Variants in PRUNE2 observed in about 807,000 individuals in gnomAD.
PRUNE2 encodes protein prune homolog 2.
In PRUNE2, 164 loss-of-function variants were observed where a neutral mutation model predicts 252.0. That is an observed-to-expected ratio of 0.65 (90% CI 0.57 to 0.74). The LOEUF is 0.74. PRUNE2 is among the 30% of genes least tolerant of loss of function. PRUNE2 has a pLI of 0.00. For missense variants in PRUNE2, 3,495 were observed against 3,711.0 expected, an observed-to-expected ratio of 0.94 and a Z score of 1.51; for synonymous variants, 1,292 against 1,350.2, an observed-to-expected ratio of 0.96 and a Z score of 0.94.
At chr9:76,811,600 C>A (rs1197554936) in intron 6 of PRUNE2, among the ~76,000 whole-genome samples, 1 of 152,120 alleles carries the variant, frequency 6.6e-6, no homozygotes, top group East Asian at 1.9e-4. Context: ...GAGTAAAAGG[C>A]CAACTTATCT....
At chr9:76,649,097 G>A (rs1009653545) in intron 11 of PRUNE2, among the ~76,000 whole-genome samples, 4 of 152,202 alleles carry the variant, frequency 2.6e-5, no homozygotes, top group African/African-American at 7.2e-5. Context: ...TGTACTCTCC[G>A]CTCAGATTTG....
chr9:76,660,503 G>T (rs1850881525), intron 9 of PRUNE2, among the ~76,000 whole-genome samples: 2 of 152,096 alleles, frequency 1.3e-5, no homozygotes, highest in Admixed American at 1.3e-4. Flanking sequence ...TCAGATGTGG[G>T]CCAGGCACGG....
chr9:76,886,905 T>C (rs2062136545), intron 1 of PRUNE2, among the ~76,000 whole-genome samples: 1 of 152,300 alleles, frequency 6.6e-6, no homozygotes, highest in African/African-American at 2.4e-5. Flanking sequence ...CCCAATATGT[T>C]TTCCAGGGGT....
At chr9:76,774,327 G>C (rs937285082) in intron 6 of PRUNE2, among the ~76,000 whole-genome samples, 1 of 151,766 alleles carries the variant, frequency 6.6e-6, no homozygotes, top group Non-Finnish European at 1.5e-5. Context: ...TTGTAAAGAT[G>C]GGGTTTCACC....
intron 1 of PRUNE2, among the ~76,000 whole-genome samples, chr9:76,880,165 G>A (rs890589226): frequency 2.6e-5 from 4 of 151,318 alleles, no homozygotes; most frequent in African/African-American, 7.3e-5. Context: ...CGCCCTCCTC[G>A]GCCTCCCAAA....
At chr9:76,830,425 G>A (rs1451424839) in intron 4 of PRUNE2, among the ~76,000 whole-genome samples, 1 of 152,118 alleles carries the variant, frequency 6.6e-6, no homozygotes, top group East Asian at 1.9e-4. Context: ...GTGGAGGTGG[G>A]TAGATCATTT....
chr9:76,860,981 C>T (rs1413966438), intron 1 of PRUNE2, among the ~76,000 whole-genome samples: 1 of 152,144 alleles, frequency 6.6e-6, no homozygotes, highest in Non-Finnish European at 1.5e-5. Flanking sequence ...CCTGTGGCTG[C>T]CACGATTCTA....
At chr9:76,714,877 C>A (rs2047014869) in intron 6 of PRUNE2, among the ~76,000 whole-genome samples, 1 of 152,168 alleles carries the variant, frequency 6.6e-6, no homozygotes, top group South Asian at 2.1e-4. Flanking sequence ...AACCTGTGCT[C>A]CATCATCCAT....
chr9:76,905,895 G>A (rs1192460088), intron 1 of PRUNE2, 33 bp downstream of exon 1: 2 of 1,613,808 alleles, frequency 1.2e-6, no homozygotes, highest in African/African-American at 1.3e-5. Context: ...ATACGCGCGC[G>A]CGCACACACA....
intron 9 of PRUNE2, chr9:76,692,053 G>C: frequency 1.4e-6 from 1 of 717,158 alleles, no homozygotes; most frequent in East Asian, 2.7e-5. Flanking sequence ...TCTCCTAAAA[G>C]CTACACCAGG....
In PRUNE2 at chr9:76,706,129, C is replaced by A. The variant is rs1331678251; in HGVS notation, c.6145G>T (p.Val2049Leu). Residue 2049 changes from valine (V) to leucine (L), a missense_variant, in exon 8 of 19, where the codon GTG becomes TTG. Physicochemically the swap from Val to Leu is conservative, Grantham distance 32. Transcript: ENST00000376718. ...AAGTTGCCATGTAAAATATCTGGCA[C>A]AAAGGTACCTCGGGAGTCCTCACTT... The part of the protein sequence containing the change: ...TPSEDSRGTF[V>L]PDILHGNFQE... 4 of 1,614,022 alleles carry A rather than the reference C, an allele frequency of 2.5e-6. No individual in the cohort carries two copies. Among genetic ancestry groups the A allele is most frequent in the Non-Finnish European group, 2.5e-6 (3 of 1,179,896 alleles).
At chr9:76,749,121 G>C (rs537247642) in intron 6 of PRUNE2, among the ~76,000 whole-genome samples, 2 of 152,224 alleles carry the variant, frequency 1.3e-5, no homozygotes, top group South Asian at 2.1e-4. Flanking sequence ...AGGATTACAA[G>C]ACGTCGGTTC....
intron 6 of PRUNE2, chr9:76,817,617 A>T (rs1393588057): frequency 6.6e-6 from 1 of 152,188 alleles, no homozygotes; most frequent in Non-Finnish European, 1.5e-5. Context: ...AACCTTGGAA[A>T]CCACATATTG....
intron 6 of PRUNE2, among the ~76,000 whole-genome samples, chr9:76,792,989 T>C (rs1348377223): frequency 2.0e-5 from 3 of 152,234 alleles, no homozygotes; most frequent in Admixed American, 1.3e-4. Context: ...ACTAGTCCAT[T>C]TTACTGGCAA....
rs371424467 is a variant in PRUNE2 at position 76,711,067 on chromosome 9, T to C, written c.1207A>G (p.Ile403Val). ...TCATTGAGATCTGGAGGGTTCTCTA[T>C]GAAATTCACAGAGCTGGGTTGTGGC... ...IEPQPSSVNF[I>V]ENPPDLNDSN... Residue 403 changes from isoleucine to valine, a missense_variant, in exon 8 of 19, where the codon ATA (isoleucine) becomes GTA (valine). By Grantham distance (29) the Ile-to-Val change is conservative. Transcript: ENST00000376718. 1 of 1,614,012 alleles carries C rather than the reference T, an allele frequency of 6.2e-7. No individual in the cohort carries two copies. Among genetic ancestry groups the C allele is most frequent in the Non-Finnish European group, 8.5e-7 (1 of 1,179,872 alleles).
chr9:76,883,097 C>A (rs2061885976), intron 1 of PRUNE2, among the ~76,000 whole-genome samples: 1 of 152,176 alleles, frequency 6.6e-6, no homozygotes, highest in Admixed American at 6.5e-5. Flanking sequence ...CATTCACATA[C>A]CATCTTTGTG....
intron 1 of PRUNE2, among the ~76,000 whole-genome samples, chr9:76,894,610 C>A (rs1302403193): frequency 6.6e-6 from 1 of 151,610 alleles, no homozygotes; most frequent in Non-Finnish European, 1.5e-5. Flanking sequence ...TAAAGAGGAT[C>A]AAAATGCTTC....
At chr9:76,905,735 G>A (rs2063454866) in intron 1 of PRUNE2, among the ~76,000 whole-genome samples, 193 bp downstream of exon 1, 1 of 152,102 alleles carries the variant, frequency 6.6e-6, no homozygotes, top group Non-Finnish European at 1.5e-5. Context: ...TGGTTGCGGT[G>A]GAGGATTCTG....
chr9:76,698,672 ATAAAAGACCCAATGTAC>A (rs2045614299), intron 9 of PRUNE2, among the ~76,000 whole-genome samples: 1 of 152,228 alleles, frequency 6.6e-6, no homozygotes, highest in Non-Finnish European at 1.5e-5. Flanking sequence ...ATTCACGTGG[ATAAAAGACCCAATGTAC>A]TAAACTCCCC....
Sources: gnomAD v4.1 joint callset for allele counts (sites outside exome capture counted in the v4.1 genomes callset) on GRCh38, gnomAD v4.1.1 for gene constraint, MANE v1.5 for transcripts, NCBI Gene and HGNC (gene_info 2026-07-23, HGNC 2026-07-21) for gene names.